Variants in JUP observed in about 807,000 individuals in gnomAD.
The protein encoded by JUP is catenin (cadherin-associated protein), gamma 80kDa.
In JUP, 28 loss-of-function variants were observed where a neutral mutation model predicts 71.1. The observed-to-expected ratio is 0.39, with a 90% CI of 0.29 to 0.54. JUP has a LOEUF of 0.54. JUP is among the 20% of genes least tolerant of loss of function. The pLI, the probability that JUP is intolerant of heterozygous loss-of-function variation, is 0.62. For missense variants in JUP, 869 were observed against 1,030.1 expected, an observed-to-expected ratio of 0.84 and a Z score of 2.14; for synonymous variants, 401 against 438.9, an observed-to-expected ratio of 0.91 and a Z score of 1.08.
At chr17:41,766,689 T>C (rs1375494046) in intron 5 of JUP, among the ~76,000 whole-genome samples, 2 of 152,030 alleles carry the variant, frequency 1.3e-5, no homozygotes, top group East Asian at 3.8e-4. Flanking sequence ...ACCTTGTCTC[T>C]ACTAAAAATA....
chr17:41,764,534 GAAAAAA>G (rs1555603054), intron 7 of JUP, among the ~76,000 whole-genome samples, 173 bp downstream of exon 7: 10 of 83,910 alleles, frequency 1.2e-4, no homozygotes, highest in South Asian at 3.4e-4. Flanking sequence ...GACTCCGTCA[GAAAAAA>G]AAAAAAAAAA....
chr17:41,769,270 A>G (rs782485551), intron 3 of JUP, 63 bp from the exon 4 acceptor site: 209 of 1,565,626 alleles, frequency 1.3e-4, no homozygotes, highest in Middle Eastern at 4.3e-4. Flanking sequence ...ACCCTTCCAC[A>G]GAGCTGAGGA....
In JUP at chr17:41,763,133, G is replaced by A. The variant is rs763261901; in HGVS notation, c.1347C>T (p.Asp449=). 1.7e-5 allele frequency: 28 copies of A among 1,614,086 alleles called. No individual in the cohort carries two copies. The highest frequency in any genetic ancestry group is 1.6e-4 in the East Asian group (7 of 44,892). The change falls in exon 8 of 14, where the codon GAC becomes GAT. Residue 449 remains aspartate, a synonymous_variant. Coordinates refer to ENST00000393931, the MANE Select transcript of JUP (RefSeq NM_002230.4). ...IHAILRAGDK[D]DITEPAVCAL... is the part of the protein sequence containing the mutation. The stretch of plus-strand genomic sequence containing the variant: ...CGCAGACGGCAGGCTCCGTGATGTC[G>A]TCCTTGTCACCAGCACGCAGGATGG...
intron 10 of JUP, 120 bp downstream of exon 10, chr17:41,758,279 C>A: frequency 7.3e-7 from 1 of 1,377,168 alleles, no homozygotes; most frequent in Non-Finnish European, 1.0e-6. Context: ...GGCAACTTTC[C>A]TCCAAACTCC....
intron 2 of JUP, among the ~76,000 whole-genome samples, chr17:41,770,443 GAGA>G (rs1449203961): frequency 6.6e-6 from 1 of 152,206 alleles, no homozygotes; most frequent in African/African-American, 2.4e-5. Context: ...CTAATTAGTC[GAGA>G]AGGAGGAGAC....
At chr17:41,758,961 C>T in intron 8 of JUP, 91 bp from the exon 9 acceptor site, 1 of 1,334,144 alleles carries the variant, frequency 7.5e-7, no homozygotes, top group Non-Finnish European at 1.0e-6. Context: ...CCCTCCTTCA[C>T]CTCTTCTGTC....
intron 1 of JUP, among the ~76,000 whole-genome samples, chr17:41,778,444 G>A (rs1270913042): frequency 6.6e-6 from 1 of 152,016 alleles, no homozygotes; most frequent in Non-Finnish European, 1.5e-5. Context: ...GCATGTGCCT[G>A]TAGTCCCAGC....
chr17:41,774,381 T>G (rs1245699035), intron 1 of JUP, among the ~76,000 whole-genome samples: 7 of 152,150 alleles, frequency 4.6e-5, no homozygotes, highest in African/African-American at 1.4e-4. Flanking sequence ...TCGCCCAAGT[T>G]GGAGTGCAGT....
chr17:41,755,724 C>A lies in JUP; in HGVS notation c.*20G>T. 2.6e-6 allele frequency: 4 copies of A among 1,552,048 alleles called. No individual in the cohort carries two copies. The highest frequency in any genetic ancestry group is 3.5e-6 in the Non-Finnish European group (4 of 1,146,104). On this transcript the variant is annotated 3_prime_UTR_variant, in exon 14 of 14. Transcript: ENST00000393931. ...GGAGGAAAAGCCTGCAAAGAGGGGG[C>A]CGTACTGGGGCCAGGCCGCCTAGGC...
intron 8 of JUP, among the ~76,000 whole-genome samples, chr17:41,759,193 C>T (rs1914394137): frequency 6.6e-6 from 1 of 151,908 alleles, no homozygotes; most frequent in East Asian, 1.9e-4. Context: ...CCTGCCTCAG[C>T]CTCCTGAGTA....
intron 1 of JUP, among the ~76,000 whole-genome samples, chr17:41,780,958 A>G (rs1477202002): frequency 6.6e-6 from 1 of 152,074 alleles, no homozygotes; most frequent in African/African-American, 2.4e-5. Flanking sequence ...AGGCGGGTGG[A>G]TCATGAGGTC....
rs571375136 is a variant in JUP at position 41,758,744 on chromosome 17, C to T, written c.1624G>A (p.Val542Ile). Residue 542 changes from valine to isoleucine, a missense_variant, in exon 9 of 14, where the codon GTA becomes ATA. Transcript: ENST00000393931. ...VKAHQDAQRH[V>I]AAGTQQPYTD... ...TAGGGCTGCTGTGTGCCTGCAGCTA[C>T]GTGGCGCTGGGCATCCTGGTGGGCC... The T allele has an allele frequency of 1.8e-5, 29 of 1,605,658 alleles. No homozygotes were observed. Among genetic ancestry groups the T allele is most frequent in the African/African-American group, 4.0e-5 (3 of 74,886 alleles).
intron 12 of JUP, among the ~76,000 whole-genome samples, chr17:41,756,620 T>G (rs564896106): frequency 4.7e-5 from 7 of 149,996 alleles, no homozygotes; most frequent in Non-Finnish European, 1.0e-4. Flanking sequence ...AAAAATAGGC[T>G]GGGCGCAGTG....
intron 1 of JUP, among the ~76,000 whole-genome samples, chr17:41,779,850 A>T (rs1236554014): frequency 1.8e-5 from 2 of 113,126 alleles, no homozygotes; most frequent in Non-Finnish European, 2.0e-5. Context: ...TTTTTTTTTT[A>T]AGAGATGGGG....
intron 1 of JUP, chr17:41,772,187 A>G: frequency 4.6e-6 from 2 of 438,798 alleles, no homozygotes; most frequent in Non-Finnish European, 8.5e-6. Context: ...GCCCCTGCTC[A>G]CGCACCTTGC....
chr17:41,774,155 C>T (rs1444093200), intron 1 of JUP, among the ~76,000 whole-genome samples: 1 of 151,846 alleles, frequency 6.6e-6, no homozygotes, highest in Non-Finnish European at 1.5e-5. Context: ...CCACCCCCAC[C>T]AGCCCAGGTC....
intron 5 of JUP, among the ~76,000 whole-genome samples, 187 bp downstream of exon 5, chr17:41,767,192 G>C (rs765057862): frequency 6.6e-6 from 1 of 152,144 alleles, no homozygotes; most frequent in Non-Finnish European, 1.5e-5. Context: ...ATATGAGGAT[G>C]AGTGATTTTT....
intron 1 of JUP, among the ~76,000 whole-genome samples, chr17:41,773,984 A>C (rs1385918169): frequency 6.6e-6 from 1 of 152,224 alleles, no homozygotes; most frequent in Non-Finnish European, 1.5e-5. Flanking sequence ...ACTGCATCCC[A>C]GCCAGAGGGC....
Position 41,769,445 on chromosome 17 carries a change from G to T in JUP, c.441C>A (p.Leu147=). 1 of 1,612,964 alleles carries T rather than the reference G, an allele frequency of 6.2e-7. No homozygotes were observed. The highest frequency in any genetic ancestry group is 8.5e-7 in the Non-Finnish European group (1 of 1,179,704). Residue 147 remains leucine, a synonymous_variant, in exon 3 of 14, where the codon CTC becomes CTA. Transcript: ENST00000393931. ...AELATRALPE[L]TKLLNDEDPV... ...GGTCCTCGTCGTTGAGCAGTTTGGTGAGCTCGGGCAGGGCGCGAGTGGCCA... is the reference window on the plus strand; with the variant it reads ...GGTCCTCGTCGTTGAGCAGTTTGGTTAGCTCGGGCAGGGCGCGAGTGGCCA...
Sources: allele counts gnomAD v4.1 joint callset (sites outside exome capture counted in the v4.1 genomes callset), GRCh38; gene constraint gnomAD v4.1.1; transcripts MANE v1.5; gene names NCBI Gene and HGNC (gene_info 2026-07-23, HGNC 2026-07-21).